SMYD4: variants seen among roughly 807,000 people sequenced by gnomAD.
SMYD4 encodes the protein protein-lysine N-methyltransferase SMYD4.
A neutral mutation model predicts 72.8 loss-of-function variants in SMYD4; 68 were observed. That is an observed-to-expected ratio of 0.93 (90% CI 0.77 to 1.14). The LOEUF (loss-of-function observed/expected upper bound fraction) is 1.14, where lower values mean the gene tolerates loss of function less well. Ranked by LOEUF, SMYD4 falls within the 50% of genes most tolerant of loss-of-function variation. The pLI, the probability that SMYD4 is intolerant of heterozygous loss-of-function variation, is 0.00. For synonymous variants in SMYD4, 407 were observed against 388.6 expected (o/e 1.05, Z -0.56); for missense variants, 984 against 1,003.7 (o/e 0.98, Z 0.27).
At chr17:1,805,823 T>A (rs1438026875) in intron 3 of SMYD4, among the ~76,000 whole-genome samples, 1 of 137,650 alleles carries the variant, frequency 7.3e-6, no homozygotes, top group Non-Finnish European at 1.5e-5. Flanking sequence ...AAAAAATAAA[T>A]TAATAATAAA....
intron 5 of SMYD4, among the ~76,000 whole-genome samples, chr17:1,793,997 A>ATATATATATGTATATATATATATGTGTG: frequency 1.3e-5 from 1 of 76,964 alleles, no homozygotes; most frequent in Middle Eastern, 7.8e-3. Flanking sequence ...ATTTTTGTGT[A>ATATATATATGTATATATATATATGTGTG]TATATATATG....
At chr17:1,811,224 G>A (rs72822477) in intron 3 of SMYD4, among the ~76,000 whole-genome samples, 19,828 of 152,218 alleles carry the variant, frequency 0.13, 1,618 homozygotes, top group African/African-American at 0.23. Context: ...CTCCCCTAGA[G>A]GTTTGAGTAG....
intron 5 of SMYD4, among the ~76,000 whole-genome samples, chr17:1,795,742 C>G (rs1044040606): frequency 8.3e-5 from 6 of 71,964 alleles, no homozygotes; most frequent in Non-Finnish European, 2.8e-5. Flanking sequence ...GTGCCTGGCC[C>G]GTGAGTTTTT....
chr17:1,786,942 T>C lies in SMYD4; in HGVS notation c.1752A>G (p.Glu584=), dbSNP rs748894749. Reference sequence around the variant, plus strand: ...ACTGAGACCTCAGCTTCTGCTGCCTTTCGGCAACCCCCATCCGGCTCTTGT... The same window carrying C: ...ACTGAGACCTCAGCTTCTGCTGCCTCTCGGCAACCCCCATCCGGCTCTTGT... The part of the protein sequence containing the change: ...GPHKSRMGVA[E]RQQKLRSQYF... The change falls in exon 7 of 11, where the codon GAA becomes GAG. Residue 584 remains glutamate, a synonymous_variant. Coordinates refer to ENST00000305513, the MANE Select transcript of SMYD4 (RefSeq NM_052928.3). The C allele has an allele frequency of 4.3e-6, 7 of 1,613,942 alleles. No individual in the cohort carries two copies. Among genetic ancestry groups the C allele is most frequent in the Admixed American group, 3.3e-5 (2 of 60,002 alleles).
intron 5 of SMYD4, among the ~76,000 whole-genome samples, chr17:1,792,376 C>T (rs571821715): frequency 5.2e-4 from 79 of 152,000 alleles, no homozygotes; most frequent in African/African-American, 1.6e-3. Flanking sequence ...AGGTCGGGCA[C>T]GGTGGCTCAC....
At chr17:1,808,164 A>T (rs1255562870) in intron 3 of SMYD4, among the ~76,000 whole-genome samples, 1 of 152,204 alleles carries the variant, frequency 6.6e-6, no homozygotes, top group Non-Finnish European at 1.5e-5. Flanking sequence ...GCAATCAGAT[A>T]TATACACATA....
chr17:1,788,000 TTTTG>T (rs1324833802), intron 5 of SMYD4, among the ~76,000 whole-genome samples: 2 of 152,316 alleles, frequency 1.3e-5, no homozygotes, highest in Admixed American at 1.3e-4. Context: ...GCCCAAGGGC[TTTTG>T]TTTATCTGGT....
intron 4 of SMYD4, among the ~76,000 whole-genome samples, chr17:1,802,248 T>C (rs1363734431): frequency 2.6e-5 from 4 of 152,166 alleles, no homozygotes; most frequent in Non-Finnish European, 5.9e-5. Flanking sequence ...CCCAGCATTA[T>C]GGGAGACCGA....
At chr17:1,792,137 G>T (rs997679752) in intron 5 of SMYD4, among the ~76,000 whole-genome samples, 1 of 151,864 alleles carries the variant, frequency 6.6e-6, no homozygotes, top group African/African-American at 2.4e-5. Flanking sequence ...CCGCCTCCTG[G>T]GTTCACACCA....
intron 2 of SMYD4, among the ~76,000 whole-genome samples, chr17:1,823,563 G>A (rs1237510015): frequency 6.6e-6 from 1 of 152,168 alleles, no homozygotes; most frequent in Non-Finnish European, 1.5e-5. Context: ...TGGGTACTGA[G>A]ACTCCCCTGC....
At chr17:1,829,021 C>T (rs567806942) in intron 1 of SMYD4, among the ~76,000 whole-genome samples, 1 of 152,218 alleles carries the variant, frequency 6.6e-6, no homozygotes, top group South Asian at 2.1e-4. Context: ...AAGTCCTCAC[C>T]ATCTCGTCTG....
At chr17:1,781,575 G>C (rs565941263) in intron 10 of SMYD4, 136 bp from the exon 11 acceptor site, 57 of 1,004,252 alleles carry the variant, frequency 5.7e-5, no homozygotes, top group African/African-American at 2.0e-4. Context: ...CAGTAAGTAA[G>C]ACACTGTCAC....
intron 3 of SMYD4, among the ~76,000 whole-genome samples, chr17:1,808,605 T>C (rs923841525): frequency 6.6e-6 from 1 of 152,090 alleles, no homozygotes; most frequent in African/African-American, 2.4e-5. Context: ...TTCTAGAAAA[T>C]TGCAGAGTAC....
chr17:1,807,170 G>A lies in SMYD4; in HGVS notation c.280-2455C>T, dbSNP rs373304608. Among the ~76,000 whole-genome samples, 14 of 152,176 alleles carry A rather than the reference G, an allele frequency of 9.2e-5. No homozygotes were observed. The East Asian group carries it at 1.7e-3, about 19-fold the overall frequency. Reference sequence around the variant, plus strand: ...CTCCCAAAGTGCTGGGATTACAGGTGTGAGCCACTGTGCCCGGCCCTGTGC... The same window carrying A: ...CTCCCAAAGTGCTGGGATTACAGGTATGAGCCACTGTGCCCGGCCCTGTGC... On this transcript the variant is annotated intron_variant, in intron 3 of 10. Transcript: ENST00000305513.
At chr17:1,794,037 G>GTATATATATGTGTGTATATATA (rs540607649) in intron 5 of SMYD4, among the ~76,000 whole-genome samples, 8 of 49,328 alleles carry the variant, frequency 1.6e-4, no homozygotes, top group African/African-American at 5.2e-4. Context: ...ATATATATAT[G>GTATATATATGTGTGTATATATA]TATGTATATA....
intron 2 of SMYD4, among the ~76,000 whole-genome samples, chr17:1,819,012 C>T (rs527832279): frequency 8.6e-5 from 13 of 151,988 alleles, no homozygotes; most frequent in Admixed American, 5.9e-4. Flanking sequence ...GTTTCACATT[C>T]TGGTTTCGCT....
At chr17:1,819,084 T>C (rs1010477311) in intron 2 of SMYD4, among the ~76,000 whole-genome samples, 2 of 151,934 alleles carry the variant, frequency 1.3e-5, no homozygotes, top group African/African-American at 4.8e-5. Flanking sequence ...CGGCTGGGTG[T>C]GGTGGCTCAC....
chr17:1,819,456 C>G (rs1197193306), intron 2 of SMYD4, among the ~76,000 whole-genome samples: 1 of 152,142 alleles, frequency 6.6e-6, no homozygotes, highest in Non-Finnish European at 1.5e-5. Flanking sequence ...ATTATGGAAG[C>G]TAAGTTTGGT....
chr17:1,791,760 G>C (rs561075906), intron 5 of SMYD4, among the ~76,000 whole-genome samples: 68 of 152,128 alleles, frequency 4.5e-4, no homozygotes, highest in Admixed American at 1.2e-3. Context: ...AGTGGCTCAC[G>C]CCTGTAATCC....
Sources: allele counts gnomAD v4.1 joint callset (sites outside exome capture counted in the v4.1 genomes callset), GRCh38; gene constraint gnomAD v4.1.1; transcripts MANE v1.5; gene names NCBI Gene and HGNC (gene_info 2026-07-23, HGNC 2026-07-21).